Variants in MAD1L1 observed in about 807,000 individuals in gnomAD.
The protein encoded by MAD1L1 is mitotic spindle assembly checkpoint protein MAD1.
In MAD1L1, 95 loss-of-function variants were observed where a neutral mutation model predicts 96.9. That is an observed-to-expected ratio of 0.98 (90% CI 0.83 to 1.16). MAD1L1 has a LOEUF of 1.16. Ranked by LOEUF, MAD1L1 falls within the 50% of genes most tolerant of loss-of-function variation. The pLI is 0.00. For missense variants in MAD1L1, 1,007 were observed against 954.4 expected, an observed-to-expected ratio of 1.06 and a Z score of -0.73; for synonymous variants, 473 against 396.6, an observed-to-expected ratio of 1.19 and a Z score of -2.29.
chr7:2,105,857 G>T (rs1787062979), intron 11 of MAD1L1, among the ~76,000 whole-genome samples: 1 of 152,002 alleles, frequency 6.6e-6, no homozygotes, highest in African/African-American at 2.4e-5. Context: ...CCAGGGTAGG[G>T]CAGCAGGAAA....
chr7:1,861,436 G>A (rs1247934639), intron 18 of MAD1L1, among the ~76,000 whole-genome samples: 2 of 147,768 alleles, frequency 1.4e-5, no homozygotes, highest in African/African-American at 5.0e-5. Context: ...ACACTGCTCC[G>A]CCTGCCCCCT....
At chr7:1,971,396 T>C (rs943509171) in intron 15 of MAD1L1, among the ~76,000 whole-genome samples, 1 of 152,126 alleles carries the variant, frequency 6.6e-6, no homozygotes, top group African/African-American at 2.4e-5. Context: ...TCATTCTCAC[T>C]AGGTGAAAAC....
chr7:1,840,143 A>T (rs10228057), intron 18 of MAD1L1, among the ~76,000 whole-genome samples: 59,583 of 151,760 alleles, frequency 0.39, 12,049 homozygotes, highest in Admixed American at 0.52. Flanking sequence ...CAGGTCTGAC[A>T]CTCTCTTTCC....
intron 17 of MAD1L1, 131 bp from the exon 18 acceptor site, chr7:1,898,521 C>T (rs1035547957): frequency 7.2e-5 from 49 of 682,928 alleles, no homozygotes; most frequent in Middle Eastern, 7.5e-4. Flanking sequence ...CAGCAAGCCC[C>T]CGTGTCACAC....
chr7:1,904,727 C>G lies in MAD1L1; in HGVS notation c.1808-6337G>C, dbSNP rs1272134593. On this transcript the variant is annotated intron_variant, in intron 17 of 18. Transcript: ENST00000265854. ...GCCTATGGAAGACGCTCTTGCGGAA[C>G]TCATGATTGATCAATCACTGTTCCA... Among the ~76,000 whole-genome samples the G allele has an allele frequency of 4.0e-5, 5 of 124,472 alleles. 1 individual carries two copies. Among genetic ancestry groups the G allele is most frequent in the African/African-American group, 1.2e-4 (3 of 25,876 alleles). 81.7% of individuals were successfully genotyped at this position (124,472 alleles called of 152,430 possible).
intron 18 of MAD1L1, among the ~76,000 whole-genome samples, chr7:1,875,973 GGGA>G (rs971952245): frequency 1.3e-5 from 2 of 152,212 alleles, no homozygotes; most frequent in African/African-American, 4.8e-5. Flanking sequence ...TCCACAAGCC[GGGA>G]GGAGAGTCCT....
intron 11 of MAD1L1, among the ~76,000 whole-genome samples, chr7:2,130,169 G>C (rs552036349): frequency 2.0e-5 from 3 of 152,236 alleles, no homozygotes; most frequent in Non-Finnish European, 4.4e-5. Flanking sequence ...CCTTCGGCCC[G>C]CAGCAGGTGC....
chr7:1,854,254 A>G (rs963110778), intron 18 of MAD1L1: 15 of 381,318 alleles, frequency 3.9e-5, no homozygotes, highest in African/African-American at 3.0e-4. Flanking sequence ...GGTGTTGGGT[A>G]CTGAGCCCGC....
chr7:1,934,321 G>A (rs1038481246), intron 17 of MAD1L1, among the ~76,000 whole-genome samples: 5 of 152,130 alleles, frequency 3.3e-5, no homozygotes, highest in East Asian at 1.9e-4. Context: ...GCCAGATGCC[G>A]ACCACCCGCG....
chr7:2,220,725 T>G (rs1009497942), intron 5 of MAD1L1, among the ~76,000 whole-genome samples: 1 of 152,250 alleles, frequency 6.6e-6, no homozygotes, highest in Non-Finnish European at 1.5e-5. Flanking sequence ...AAGGCCCGCA[T>G]GGGGGCTGCG....
In MAD1L1 at chr7:2,219,629, AG is replaced by A. The variant is rs1179702138; in HGVS notation, c.472-174del. Among the ~76,000 whole-genome samples, 30 of 91,802 alleles carry A rather than the reference AG, an allele frequency of 3.3e-4. No homozygotes were observed. The East Asian group carries it at 7.0e-3, about 21-fold the overall frequency. The allele number at this position is 91,802 out of a possible 152,430, so 60.2% of individuals were successfully genotyped here. ...GCAGAGGGGCATCGGGCAGAGGGGTAGGGGGGCAGAGCGGTAGGGGGGCAGA... is the reference window on the plus strand; with the variant it reads ...GCAGAGGGGCATCGGGCAGAGGGGTAGGGGGCAGAGCGGTAGGGGGGCAGA... On this transcript the variant is annotated intron_variant, in intron 5 of 18. Transcript: ENST00000265854.
intron 11 of MAD1L1, among the ~76,000 whole-genome samples, chr7:2,071,629 C>A (rs908606035): frequency 6.6e-6 from 1 of 152,200 alleles, no homozygotes; most frequent in African/African-American, 2.4e-5. Flanking sequence ...CACCCCTAAG[C>A]TGGGGAAGGA....
intron 11 of MAD1L1, among the ~76,000 whole-genome samples, chr7:2,106,820 C>T (rs1299013324): frequency 6.6e-6 from 1 of 152,218 alleles, no homozygotes; most frequent in South Asian, 2.1e-4. Flanking sequence ...GCTCTCTCAG[C>T]TGGGAGCCAG....
intron 12 of MAD1L1, among the ~76,000 whole-genome samples, chr7:2,023,687 G>A (rs181680667): frequency 7.2e-5 from 11 of 152,316 alleles, no homozygotes; most frequent in Non-Finnish European, 1.5e-4. Flanking sequence ...AGTGGCTCAC[G>A]CCTGTTATCC....
At chr7:2,062,085 C>T (rs942813089) in intron 12 of MAD1L1, among the ~76,000 whole-genome samples, 15 of 149,538 alleles carry the variant, frequency 1.0e-4, no homozygotes, top group Admixed American at 2.0e-4. Context: ...TACAAAAATA[C>T]AAAAAAATTA....
chr7:1,883,300 T>C (rs1217542989), intron 18 of MAD1L1, among the ~76,000 whole-genome samples: 2 of 152,008 alleles, frequency 1.3e-5, no homozygotes, highest in African/African-American at 2.4e-5. Flanking sequence ...ATGAGCTCCT[T>C]AACACCCGAA....
At chr7:2,163,877 G>A (rs1276013036) in intron 10 of MAD1L1, among the ~76,000 whole-genome samples, 1 of 151,990 alleles carries the variant, frequency 6.6e-6, no homozygotes, top group Non-Finnish European at 1.5e-5. Context: ...GAACAGAAAC[G>A]TGCATGTAAA....
chr7:1,850,385 G>A (rs1321610452), intron 18 of MAD1L1, among the ~76,000 whole-genome samples: 1 of 152,210 alleles, frequency 6.6e-6, no homozygotes, highest in Non-Finnish European at 1.5e-5. Flanking sequence ...GAGCCACCCA[G>A]CTGCCTGGGC....
chr7:1,862,117 C>T (rs61178969), intron 18 of MAD1L1, among the ~76,000 whole-genome samples: 13,218 of 152,228 alleles, frequency 0.087, 1,821 homozygotes, highest in African/African-American at 0.29. Context: ...CAGAGAAACT[C>T]GGGGAGCTGC....
Sources: gnomAD v4.1 joint callset for allele counts (sites outside exome capture counted in the v4.1 genomes callset) on GRCh38, gnomAD v4.1.1 for gene constraint, MANE v1.5 for transcripts, NCBI Gene and HGNC (gene_info 2026-07-23, HGNC 2026-07-21) for gene names.